Variants in ERGIC1 observed in about 807,000 individuals in gnomAD.
ERGIC1 encodes the protein endoplasmic reticulum-Golgi intermediate compartment protein 1.
A neutral mutation model predicts 38.3 loss-of-function variants in ERGIC1; 19 were observed. The ratio of observed to expected loss-of-function variants is 0.50; its 90% CI spans 0.35 to 0.73. The LOEUF is 0.73. ERGIC1 is among the 30% of genes least tolerant of loss of function. The pLI is 0.01. For missense variants in ERGIC1, 294 were observed against 389.2 expected (o/e 0.76, Z 2.06); for synonymous variants, 124 against 157.6 (o/e 0.79, Z 1.60).
intron 6 of ERGIC1, among the ~76,000 whole-genome samples, chr5:172,924,535 G>A (rs867735403): frequency 2.6e-5 from 4 of 152,184 alleles, no homozygotes; most frequent in African/African-American, 9.7e-5. Flanking sequence ...ACTGAGGAAG[G>A]TGGAGACTGA....
Position 172,947,485 on chromosome 5 carries a change from T to TCAGGAAACCCCTCAG in ERGIC1, c.766-3224_766-3223insCAGGAAACCCCTCAG, listed in dbSNP as rs1764149240. On this transcript the variant is annotated intron_variant, in intron 9 of 9. Coordinates refer to ENST00000393784, the MANE Select transcript of ERGIC1 (RefSeq NM_001031711.3). ...CTGTGCCCAGCTGAGTTATCTCAGC[T>TCAGGAAACCCCTCAG]TTGAGGAAACCCCCCTGGAATGTGT... is the stretch of plus-strand genomic sequence containing the variant. 3.3e-5 allele frequency among the ~76,000 whole-genome samples: 5 copies of TCAGGAAACCCCTCAG among 152,336 alleles called. No homozygotes were observed. In the South Asian group the frequency reaches 1.0e-3, roughly 32 times the overall value.
intron 9 of ERGIC1, among the ~76,000 whole-genome samples, chr5:172,950,124 T>C (rs1382645076): frequency 6.6e-6 from 1 of 152,236 alleles, no homozygotes; most frequent in African/African-American, 2.4e-5. Flanking sequence ...AAGGCCTCTC[T>C]GTCCTTTGTA....
chr5:172,950,401 C>G (rs1009846062), intron 9 of ERGIC1, among the ~76,000 whole-genome samples: 1 of 152,196 alleles, frequency 6.6e-6, no homozygotes, highest in Non-Finnish European at 1.5e-5. Context: ...ACCTGATGAA[C>G]CTCAGTTTCC....
intron 1 of ERGIC1, among the ~76,000 whole-genome samples, chr5:172,851,543 C>G (rs543320637): frequency 3.5e-4 from 54 of 152,296 alleles, no homozygotes; most frequent in African/African-American, 1.2e-3. Flanking sequence ...TCCAATGCAT[C>G]TGGAAAAATG....
At chr5:172,882,793 C>A (rs1210015818) in intron 1 of ERGIC1, among the ~76,000 whole-genome samples, 1 of 152,110 alleles carries the variant, frequency 6.6e-6, no homozygotes, top group South Asian at 2.1e-4. Context: ...GTCCCCATGC[C>A]CAGCAAAGAC....
intron 9 of ERGIC1, among the ~76,000 whole-genome samples, chr5:172,941,258 A>T (rs1266558146): frequency 6.6e-6 from 1 of 152,158 alleles, no homozygotes; most frequent in Non-Finnish European, 1.5e-5. Context: ...AAAAAGAAAA[A>T]AAAAAAGGTG....
chr5:172,935,524 T>C (rs1174689570), intron 9 of ERGIC1: 5 of 568,936 alleles, frequency 8.8e-6, no homozygotes, highest in African/African-American at 1.9e-5. Flanking sequence ...GTCTAGAAAG[T>C]ATTTTCCAGA....
intron 9 of ERGIC1, among the ~76,000 whole-genome samples, chr5:172,943,687 G>A (rs1764059047): frequency 1.3e-5 from 2 of 152,164 alleles, no homozygotes; most frequent in Admixed American, 6.6e-5. Context: ...CCCAGCCAGG[G>A]CCACAGAGCT....
chr5:172,863,185 A>G (rs1224859159), intron 1 of ERGIC1, among the ~76,000 whole-genome samples: 1 of 152,184 alleles, frequency 6.6e-6, no homozygotes, highest in African/African-American at 2.4e-5. Flanking sequence ...TCCTGACCTC[A>G]AGTGATCCGC....
intron 2 of ERGIC1, among the ~76,000 whole-genome samples, chr5:172,892,612 CAGA>C (rs984408920): frequency 4.6e-5 from 7 of 152,238 alleles, no homozygotes; most frequent in African/African-American, 1.7e-4. Flanking sequence ...GAGTCAGTTT[CAGA>C]AGAAGTCTGG....
At chr5:172,872,824 GAAAAAAAGAAAA>G (rs1468203094) in intron 1 of ERGIC1, among the ~76,000 whole-genome samples, 1 of 150,342 alleles carries the variant, frequency 6.7e-6, no homozygotes, top group Non-Finnish European at 1.5e-5. Context: ...TCAAAAAAAA[GAAAAAAAGAAAA>G]AAGAAAAGAA....
rs374837508 is a variant in ERGIC1, at chr5:172,909,721, C to T, written c.210C>T (p.Asp70=). 44 of 1,614,098 alleles carry T rather than the reference C, an allele frequency of 2.7e-5. No individual in the cohort carries two copies. The highest frequency in any genetic ancestry group is 1.6e-4 in the Middle Eastern group (1 of 6,084). Residue 70 remains aspartate (D), a synonymous_variant, in exon 4 of 10, where the codon GAC becomes GAT. Transcript: ENST00000393784. ...ACAAGGACAGCGGTGGCAAGATCGA[C>T]GTCAGTCTGAACATCAGTTTACCCA... is the stretch of plus-strand genomic sequence containing the variant. The part of the protein sequence containing the change: ...DPDKDSGGKI[D]VSLNISLPNL...
chr5:172,848,352 G>A (rs963749045), intron 1 of ERGIC1, among the ~76,000 whole-genome samples: 1 of 152,180 alleles, frequency 6.6e-6, no homozygotes, highest in African/African-American at 2.4e-5. Context: ...TGAGAAGGAA[G>A]GCAAAGTAGA....
At chr5:172,873,155 C>A (rs934718264) in intron 1 of ERGIC1, among the ~76,000 whole-genome samples, 1 of 152,240 alleles carries the variant, frequency 6.6e-6, no homozygotes, top group Non-Finnish European at 1.5e-5. Context: ...TGAAAAACCC[C>A]GCTCATGCTC....
intron 3 of ERGIC1, among the ~76,000 whole-genome samples, chr5:172,908,571 G>C (rs746558439): frequency 1.3e-5 from 2 of 149,832 alleles, no homozygotes; most frequent in African/African-American, 2.5e-5. Context: ...GTGAGACTCT[G>C]TCTCAAAAAA....
At chr5:172,933,282 T>G (rs983128724) in intron 8 of ERGIC1, 5 of 152,236 alleles carry the variant, frequency 3.3e-5, no homozygotes, top group African/African-American at 9.6e-5. Context: ...TGATACCTGT[T>G]TAGCTCAGTT....
At chr5:172,888,611 A>G in intron 1 of ERGIC1, 88 bp from the exon 2 acceptor site, 7 of 1,025,224 alleles carry the variant, frequency 6.8e-6, no homozygotes, top group South Asian at 2.5e-5. Flanking sequence ...TTGTTGAACC[A>G]TGTGTCACAC....
At chr5:172,900,462 T>G (rs1762842932) in intron 3 of ERGIC1, among the ~76,000 whole-genome samples, 1 of 152,018 alleles carries the variant, frequency 6.6e-6, no homozygotes, top group South Asian at 2.1e-4. Context: ...ATCCCAGCAC[T>G]TTGAAAAGCC....
At chr5:172,933,395 C>T (rs1179267725) in intron 8 of ERGIC1, 4 of 152,232 alleles carry the variant, frequency 2.6e-5, no homozygotes, top group Non-Finnish European at 4.4e-5. Flanking sequence ...ATCATGACAG[C>T]TCTGATGTTG....
Sources: gnomAD v4.1 joint callset for allele counts (sites outside exome capture counted in the v4.1 genomes callset) on GRCh38, gnomAD v4.1.1 for gene constraint, MANE v1.5 for transcripts, NCBI Gene and HGNC (gene_info 2026-07-23, HGNC 2026-07-21) for gene names.